KDM2A: variants seen among roughly 807,000 people sequenced by gnomAD.
The protein encoded by KDM2A is lysine demethylase 2A.
A neutral mutation model predicts 137.3 loss-of-function variants in KDM2A; 3 were observed. That is an observed-to-expected ratio of 0.02 (90% confidence interval 0.01 to 0.06). The LOEUF is 0.06. KDM2A is among the 10% of genes least tolerant of loss of function. The pLI, the probability that KDM2A is intolerant of heterozygous loss-of-function variation, is 1.00. For missense variants in KDM2A, 738 were observed against 1,510.6 expected, an observed-to-expected ratio of 0.49 and a Z score of 8.48; for synonymous variants, 512 against 541.5, an observed-to-expected ratio of 0.95 and a Z score of 0.76.
chr11:67,205,783 G>A (rs1161735781), intron 5 of KDM2A, among the ~76,000 whole-genome samples: 1 of 151,858 alleles, frequency 6.6e-6, no homozygotes, highest in African/African-American at 2.4e-5. Flanking sequence ...TGCCCGGCCA[G>A]ACATACAATA....
At chr11:67,124,473 G>A (rs769293731) in intron 2 of KDM2A, among the ~76,000 whole-genome samples, 27 of 151,272 alleles carry the variant, frequency 1.8e-4, no homozygotes, top group Non-Finnish European at 3.1e-4. Context: ...CACCATGCCC[G>A]GCTAATTTTT....
chr11:67,245,242 G>A lies in KDM2A; in HGVS notation c.1617G>A (p.Lys539=), dbSNP rs1859170699. The part of the protein sequence containing the change: ...KVRVPTIPIT[K]PHTMKPAPRL... ...GGGTTCCTACCATCCCCATTACGAA[G>A]CCTCACACTATGAAACCAGCTCCAC... The change falls in exon 14 of 21, where the codon AAG becomes AAA. Residue 539 remains lysine (K), a synonymous_variant. Coordinates refer to ENST00000529006, the MANE Select transcript of KDM2A (RefSeq NM_012308.3). This position sits in a 1 kb window ranked among gnomAD's most constrained non-coding sequence, Gnocchi z 4.1. 6.2e-7 allele frequency: 1 copy of A among 1,613,988 alleles called. No individual in the cohort carries two copies. The highest frequency in any genetic ancestry group is 8.5e-7 in the Non-Finnish European group (1 of 1,179,904).
Position 67,240,045 on chromosome 11 carries a change from C to A in KDM2A, c.1480-2964C>A. The A allele has an allele frequency of 2.3e-6, 3 of 1,306,764 alleles. No homozygotes were observed. The African/African-American group carries it at 4.5e-5, about 20-fold the overall frequency. 80.9% of individuals were successfully genotyped at this position (1,306,764 alleles called of 1,614,324 possible). A position where few individuals can be genotyped will look rare whatever the true frequency, so the allele number is the denominator to read the frequency against. On this transcript the variant is annotated intron_variant, in intron 12 of 20. Transcript: ENST00000529006. ...GCTCGGCTCCCCCTCCTGCCATCTTCCGTTGCAAAGCATTTCTGGGAGCTG... is the reference window on the plus strand; with the variant it reads ...GCTCGGCTCCCCCTCCTGCCATCTTACGTTGCAAAGCATTTCTGGGAGCTG...
At chr11:67,212,913 A>T (rs1022304926) in intron 6 of KDM2A, among the ~76,000 whole-genome samples, 1 of 152,156 alleles carries the variant, frequency 6.6e-6, no homozygotes, top group Non-Finnish European at 1.5e-5. Context: ...ACACACGGGG[A>T]TGGGAGATGG....
chr11:67,180,259 G>A (rs1298368341), intron 3 of KDM2A, 42 bp downstream of exon 3: 2 of 1,596,894 alleles, frequency 1.3e-6, no homozygotes, highest in South Asian at 2.2e-5. Context: ...CTTTGATGTG[G>A]GAAGCCATAG....
chr11:67,203,913 G>T (rs1320602575), intron 5 of KDM2A, among the ~76,000 whole-genome samples: 1 of 150,428 alleles, frequency 6.6e-6, no homozygotes, highest in Non-Finnish European at 1.5e-5. Context: ...CAAATCTCTT[G>T]CCTCAGCCTC....
At chr11:67,188,561 C>T (rs901083047) in intron 5 of KDM2A, among the ~76,000 whole-genome samples, 5 of 150,634 alleles carry the variant, frequency 3.3e-5, no homozygotes, top group Non-Finnish European at 7.4e-5. Flanking sequence ...GAGGCCAAGG[C>T]GGGAAGATTG....
chr11:67,234,601 GC>G (rs1565417712), intron 12 of KDM2A, among the ~76,000 whole-genome samples: 1 of 152,204 alleles, frequency 6.6e-6, no homozygotes. Flanking sequence ...GAGCCCAGTG[GC>G]TCACACCTCT....
At chr11:67,155,768 C>T (rs1470308113) in intron 2 of KDM2A, among the ~76,000 whole-genome samples, 1 of 151,342 alleles carries the variant, frequency 6.6e-6, no homozygotes, top group African/African-American at 2.4e-5. Flanking sequence ...AGGCATGTGC[C>T]ACCATACCCA....
intron 2 of KDM2A, among the ~76,000 whole-genome samples, chr11:67,167,960 A>C (rs548239664): frequency 1.3e-5 from 2 of 152,206 alleles, no homozygotes; most frequent in South Asian, 4.1e-4. Context: ...AGGGACAAAA[A>C]GTTTTATATA....
At chr11:67,203,770 A>G (rs1041301787) in intron 5 of KDM2A, among the ~76,000 whole-genome samples, 12 of 151,490 alleles carry the variant, frequency 7.9e-5, no homozygotes, top group African/African-American at 2.9e-4. Context: ...AAAAAAGAAT[A>G]AAATGCTTTC....
intron 5 of KDM2A, among the ~76,000 whole-genome samples, chr11:67,190,854 A>G (rs1417278402): frequency 6.6e-6 from 1 of 152,210 alleles, no homozygotes; most frequent in Non-Finnish European, 1.5e-5. Flanking sequence ...TTAAGACTAA[A>G]TCACTAAGAA....
chr11:67,214,013 C>A (rs1858076971), intron 6 of KDM2A, among the ~76,000 whole-genome samples: 1 of 151,884 alleles, frequency 6.6e-6, no homozygotes, highest in African/African-American at 2.4e-5. Context: ...TAGGCACATG[C>A]CACAACGCCT....
chr11:67,193,674 A>C (rs1857409742), intron 5 of KDM2A, among the ~76,000 whole-genome samples: 1 of 151,960 alleles, frequency 6.6e-6, no homozygotes, highest in African/African-American at 2.4e-5. Context: ...CAGCCTGACC[A>C]ACATGGCAAA....
Position 67,228,860 on chromosome 11 carries a change from A to G in KDM2A, c.1084+697A>G, listed in dbSNP as rs577771609. Among the ~76,000 whole-genome samples the G allele has an allele frequency of 8.5e-5, 13 of 152,124 alleles. No homozygotes were observed. The East Asian group carries it at 2.3e-3, about 27-fold the overall frequency. On this transcript the variant is annotated intron_variant, in intron 11 of 20. Transcript: ENST00000529006. ...CAAGCAATCCCCCTCCTGAGTAACTAGGATTACAAGCACACACCACTATGC... is the reference window on the plus strand; with the variant it reads ...CAAGCAATCCCCCTCCTGAGTAACTGGGATTACAAGCACACACCACTATGC...
At chr11:67,140,088 C>T (rs1217035611) in intron 2 of KDM2A, among the ~76,000 whole-genome samples, 3 of 151,958 alleles carry the variant, frequency 2.0e-5, no homozygotes, top group Admixed American at 6.6e-5. Flanking sequence ...GGATTGGGTA[C>T]GGTGGCTTAC....
intron 10 of KDM2A, among the ~76,000 whole-genome samples, chr11:67,224,293 A>C (rs1858460647): frequency 6.6e-6 from 1 of 152,038 alleles, no homozygotes; most frequent in Admixed American, 6.6e-5. Context: ...TATCCTTTTG[A>C]AATATGGCCT....
At chr11:67,178,164 G>A (rs1565390536) in intron 2 of KDM2A, among the ~76,000 whole-genome samples, 1 of 152,146 alleles carries the variant, frequency 6.6e-6, no homozygotes, top group Non-Finnish European at 1.5e-5. Flanking sequence ...CCAGCAGTTT[G>A]GAAGGCTGAG....
In KDM2A at chr11:67,242,303, T is replaced by A. The variant is rs201384231; in HGVS notation, c.1480-706T>A. On this transcript the variant is annotated intron_variant, in intron 12 of 20. Transcript: ENST00000529006. ...ATGTGTGTGTGTGTGTGTGTGTGTGTGAGAGAGAGAGAGAAAGAAAGAGAT... is the reference window on the plus strand; with the variant it reads ...ATGTGTGTGTGTGTGTGTGTGTGTGAGAGAGAGAGAGAGAAAGAAAGAGAT... Among the ~76,000 whole-genome samples, 612 of 71,300 alleles carry A rather than the reference T, an allele frequency of 8.6e-3. 5 individuals carry two copies. The highest frequency in any genetic ancestry group is 0.018 in the South Asian group (37 of 2,030). The allele number at this position is 71,300 out of a possible 152,430, so 46.8% of individuals were successfully genotyped here. A position where few individuals can be genotyped will look rare whatever the true frequency, so the allele number is the denominator to read the frequency against.
Sources: gnomAD v4.1 joint callset for allele counts (sites outside exome capture counted in the v4.1 genomes callset) on GRCh38, gnomAD v4.1.1 for gene constraint, Gnocchi (gnomAD v3.1) non-coding constraint, MANE v1.5 for transcripts, NCBI Gene and HGNC (gene_info 2026-07-23, HGNC 2026-07-21) for gene names.